The following LBHD1 variants were observed in gnomAD, a reference collection of about 807,000 sequenced individuals.
The protein encoded by LBHD1 is LBH domain containing 1.
In LBHD1, 28 loss-of-function variants were observed where a neutral mutation model predicts 31.1. That is an observed-to-expected ratio of 0.90 (90% CI 0.67 to 1.24). The LOEUF (loss-of-function observed/expected upper bound fraction) is 1.24. Ranked by LOEUF, LBHD1 falls within the 50% of genes most tolerant of loss-of-function variation. LBHD1 has a pLI of 0.00. For missense variants in LBHD1, 350 were observed against 323.0 expected, an observed-to-expected ratio of 1.08 and a Z score of -0.64; for synonymous variants, 105 against 116.5, an observed-to-expected ratio of 0.90 and a Z score of 0.63.
At chr11:62,666,603 G>A (rs1404544313) in intron 4 of LBHD1, 1 of 1,614,158 alleles carries the variant, frequency 6.2e-7, no homozygotes, top group East Asian at 2.2e-5. Flanking sequence ...CTATGTACAG[G>A]CCTCTACACC....
chr11:62,667,683 C>A lies in LBHD1; in HGVS notation c.378G>T (p.Trp126Cys). The change falls in exon 4 of 7, where the codon TGG (tryptophan) becomes TGT (cysteine). Residue 126 changes from tryptophan (W) to cysteine (C), a missense_variant. Physicochemically the swap from Trp to Cys is radical, Grantham distance 215. Transcript: ENST00000354588. ...CATCTTCTTCATCCTGGTCCTGCCC[C>A]CAGCTGAGTCCAGCGTTAAATGTTC... ...PLRTFNAGLSWGQDQDEEDAC... is the reference protein window; with the variant it reads ...PLRTFNAGLSCGQDQDEEDAC... The A allele has an allele frequency of 6.2e-7, 1 of 1,614,176 alleles. No individual in the cohort carries two copies. The highest frequency in any genetic ancestry group is 8.5e-7 in the Non-Finnish European group (1 of 1,180,040).
rs761234106 is a variant in LBHD1 at position 62,665,396 on chromosome 11, G to A, written c.539-423C>T. On this transcript the variant is annotated intron_variant, in intron 4 of 6. Transcript: ENST00000354588. Reference sequence around the variant, plus strand: ...CCGGGAGTGGTGGGGGTGCCGGGTGGAAGGCTCTGGGCGGGGTCTCAGGAC... The same window carrying A: ...CCGGGAGTGGTGGGGGTGCCGGGTGAAAGGCTCTGGGCGGGGTCTCAGGAC... 44 of 1,288,504 alleles carry A rather than the reference G, an allele frequency of 3.4e-5. 1 individual carries two copies. Among genetic ancestry groups the A allele is most frequent in the African/African-American group, 5.9e-5 (4 of 68,272 alleles). 79.8% of individuals were successfully genotyped at this position (1,288,504 alleles called of 1,614,324 possible). A position where few individuals can be genotyped will look rare whatever the true frequency, so the allele number is the denominator to read the frequency against.
In LBHD1 at chr11:62,665,391, G is replaced by A. The variant is rs537400696; in HGVS notation, c.539-418C>T. The stretch of plus-strand genomic sequence containing the variant: ...GGCGGCCGGGAGTGGTGGGGGTGCC[G>A]GGTGGAAGGCTCTGGGCGGGGTCTC... On this transcript the variant is annotated intron_variant, in intron 4 of 6. Transcript: ENST00000354588. 1.8e-5 allele frequency: 22 copies of A among 1,221,676 alleles called. No individual in the cohort carries two copies. In the South Asian group the frequency reaches 2.6e-4, roughly 14 times the overall value. The allele number at this position is 1,221,676 out of a possible 1,614,324, so 75.7% of individuals were successfully genotyped here. A position where few individuals can be genotyped will look rare whatever the true frequency, so the allele number is the denominator to read the frequency against.
intron 5 of LBHD1, among the ~76,000 whole-genome samples, chr11:62,663,555 G>A (rs1334668486): frequency 6.6e-6 from 1 of 152,022 alleles, no homozygotes; most frequent in South Asian, 2.1e-4. Flanking sequence ...TTAGCTGGGC[G>A]CAGTGGCGGG....
At chr11:62,666,756 C>T in intron 4 of LBHD1, 1 of 1,614,166 alleles carries the variant, frequency 6.2e-7, no homozygotes, top group South Asian at 1.1e-5. Flanking sequence ...TTCATGCACG[C>T]CGATGCTCAG....
rs1415156696 is a variant in LBHD1 at position 62,666,477 on chromosome 11, C to A, written c.538+1046G>T. 2.5e-6 allele frequency: 4 copies of A among 1,613,980 alleles called. No individual in the cohort carries two copies. The Admixed American group carries it at 6.7e-5, about 27-fold the overall frequency. On this transcript the variant is annotated intron_variant, in intron 4 of 6. Transcript: ENST00000354588. ...CAGCCTCGTTTGGGCACTGTCCCCA[C>A]CTTCGACTGGTTCTTTGGATACGAC...
chr11:62,665,358 C>A, intron 4 of LBHD1: 2 of 881,522 alleles, frequency 2.3e-6, no homozygotes, highest in Non-Finnish European at 3.6e-6. Context: ...GCTGTAGTAG[C>A]CAGATTGGGC....
At chr11:62,666,146 A>T in intron 4 of LBHD1, 1 of 729,540 alleles carries the variant, frequency 1.4e-6, no homozygotes, top group South Asian at 1.8e-5. Context: ...CAGGAGTTCG[A>T]GACCAACCTA....
At chr11:62,665,272 G>T (rs1265544281) in intron 4 of LBHD1, 1 of 739,314 alleles carries the variant, frequency 1.4e-6, no homozygotes, top group Non-Finnish European at 2.3e-6. Context: ...TCGGGGGCGG[G>T]TCCTCGGGCT....
rs149127109 is a variant in LBHD1 at position 62,664,816 on chromosome 11, G to A, written c.663+33C>T. On this transcript the variant is annotated intron_variant, in intron 5 of 6. Coordinates refer to ENST00000354588, the MANE Select transcript of LBHD1 (RefSeq NM_024099.5). ...GCAGGGAGGAAGGAAGACTCGGTGG[G>A]GACGACCAACAGGAAGAGGGTCTAG... The A allele has an allele frequency of 7.5e-4, 1,171 of 1,552,138 alleles. 15 individuals are homozygous for A. The East Asian group carries it at 0.024, about 32-fold the overall frequency.
chr11:62,668,877 G>A (rs571314905), intron 3 of LBHD1, among the ~76,000 whole-genome samples: 3 of 151,978 alleles, frequency 2.0e-5, no homozygotes, highest in Non-Finnish European at 1.5e-5. Context: ...TAGAAGAGAA[G>A]GTATCGAATA....
chr11:62,672,043 CAGGAGAACGTGGCCTGGA>C lies in LBHD1; in HGVS notation c.-508_-491del. ...CACTCTGCAGGAGGCAGCGACCACG[CAGGAGAACGTGGCCTGGA>C]GGAAGAACTGGATGGTTGGCGGCGA... On this transcript the variant is annotated 5_prime_UTR_variant, in exon 1 of 7. Coordinates refer to ENST00000354588, the MANE Select transcript of LBHD1 (RefSeq NM_024099.5). 1 of 1,611,764 alleles carries C rather than the reference CAGGAGAACGTGGCCTGGA, an allele frequency of 6.2e-7. No homozygotes were observed. Among genetic ancestry groups the C allele is most frequent in the Admixed American group, 1.7e-5 (1 of 59,520 alleles).
chr11:62,665,174 G>A (rs1240417692), intron 4 of LBHD1: 5 of 852,822 alleles, frequency 5.9e-6, no homozygotes, highest in South Asian at 4.2e-5. Flanking sequence ...TCCCATAGTC[G>A]CGATTCCACT....
intron 1 of LBHD1, chr11:62,671,319 G>C (rs1398053326): frequency 1.2e-6 from 1 of 860,328 alleles, no homozygotes; most frequent in African/African-American, 1.7e-5. Context: ...TATGTGTGTA[G>C]ATGCCCTCCA....
chr11:62,665,135 C>T lies in LBHD1; in HGVS notation c.539-162G>A, dbSNP rs773542054. The T allele has an allele frequency of 2.2e-5, 24 of 1,074,226 alleles. No individual in the cohort carries two copies. The South Asian group carries it at 2.3e-4, about 10-fold the overall frequency. The allele number at this position is 1,074,226 out of a possible 1,614,324, so 66.5% of individuals were successfully genotyped here. On this transcript the variant is annotated intron_variant, in intron 4 of 6. Transcript: ENST00000354588. ...TCGCGGCCCCCACACAGTCACCGTT[C>T]GGGGCCGGTTGATCTTTCCCCCCGG...
rs767609183 is a variant in LBHD1, at chr11:62,663,118, G to A, written c.*11C>T. ...GCTTTTGTCTTCTTTTGCCTTTTGA[G>A]CTGTGGTTCACTAGTCCTGGCTGGC... On this transcript the variant is annotated 3_prime_UTR_variant, in exon 7 of 7. Coordinates refer to ENST00000354588, the MANE Select transcript of LBHD1 (RefSeq NM_024099.5). 5 of 1,613,998 alleles carry A rather than the reference G, an allele frequency of 3.1e-6. No homozygotes were observed. Among genetic ancestry groups the A allele is most frequent in the Non-Finnish European group, 4.2e-6 (5 of 1,179,946 alleles).
rs756496301 is a variant in LBHD1, at chr11:62,666,675, T to C, written c.538+848A>G. 6 of 1,614,110 alleles carry C rather than the reference T, an allele frequency of 3.7e-6. No individual in the cohort carries two copies. The South Asian group carries it at 6.6e-5, about 18-fold the overall frequency. ...TTTTCTCCTGTGGCTGTGGCCCACA[T>C]GAATAGCCTCCTGGAGGGTGGCCCA... On this transcript the variant is annotated intron_variant, in intron 4 of 6. Coordinates refer to ENST00000354588, the MANE Select transcript of LBHD1 (RefSeq NM_024099.5).
Position 62,672,101 on chromosome 11 carries a change from G to A in LBHD1, c.-548C>T. On this transcript the variant is annotated 5_prime_UTR_variant, in exon 1 of 7. Coordinates refer to ENST00000354588, the MANE Select transcript of LBHD1 (RefSeq NM_024099.5). ...GTTGGCGGCGAAGGCGGCGCCGGCG[G>A]GAGGTCACCGTGAGACCGGACTTGC... The A allele has an allele frequency of 6.3e-7, 1 of 1,580,148 alleles. No individual in the cohort carries two copies. Among genetic ancestry groups the A allele is most frequent in the Non-Finnish European group, 8.6e-7 (1 of 1,163,946 alleles).
chr11:62,665,885 C>T, intron 4 of LBHD1: 4 of 1,613,446 alleles, frequency 2.5e-6, no homozygotes, highest in Non-Finnish European at 3.4e-6. Flanking sequence ...TCCAGATGGC[C>T]GCGCTGCGTC....
Sources: gnomAD v4.1 joint callset for allele counts (sites outside exome capture counted in the v4.1 genomes callset) on GRCh38, gnomAD v4.1.1 for gene constraint, MANE v1.5 for transcripts, NCBI Gene and HGNC (gene_info 2026-07-23, HGNC 2026-07-21) for gene names.